Variants in ASH1L observed in about 807,000 individuals in gnomAD.
ASH1L encodes ASH1 like histone lysine methyltransferase, also known as histone-lysine N-methyltransferase ASH1L.
ASH1L carries 23 observed loss-of-function variants against 269.0 expected under a neutral mutation model. The ratio of observed to expected loss-of-function variants is 0.09; its 90% confidence interval spans 0.06 to 0.12. The LOEUF (loss-of-function observed/expected upper bound fraction) is 0.12. Among genes scored for constraint, ASH1L ranks in the 10% least tolerant of loss-of-function variants. The pLI is 1.00. For missense variants in ASH1L, 2,912 were observed against 3,567.8 expected (o/e 0.82, Z 4.68); for synonymous variants, 1,187 against 1,253.5 (o/e 0.95, Z 1.12).
At chr1:155,361,675 G>T (rs929728982) in intron 12 of ASH1L, among the ~76,000 whole-genome samples, 3 of 151,802 alleles carry the variant, frequency 2.0e-5, no homozygotes, top group Non-Finnish European at 4.4e-5. Context: ...CTCTAGCCTA[G>T]CCTGGGCAAC....
intron 1 of ASH1L, among the ~76,000 whole-genome samples, chr1:155,537,945 T>C (rs977698366): frequency 1.3e-5 from 2 of 152,302 alleles, no homozygotes; most frequent in East Asian, 1.9e-4. Context: ...CTTCCAGATG[T>C]TGGAATTCCT....
Position 155,381,111 on chromosome 1 carries a change from A to C in ASH1L, c.6104-995T>G, listed in dbSNP as rs549146203. ...ATGTGTTTGTGGTGATGCTGGTGCAAATAAACCTATAGCGCTACCAGTTGA... is the reference window on the plus strand; with the variant it reads ...ATGTGTTTGTGGTGATGCTGGTGCACATAAACCTATAGCGCTACCAGTTGA... On this transcript the variant is annotated intron_variant, in intron 7 of 27. Transcript: ENST00000392403. 7.9e-5 allele frequency among the ~76,000 whole-genome samples: 12 copies of C among 152,256 alleles called. No individual in the cohort carries two copies. In the East Asian group the frequency reaches 2.3e-3, roughly 29 times the overall value.
At chr1:155,476,284 GGTGAGGCAGGAGAATCGCTTGAACCC>G (rs1263259188) in intron 3 of ASH1L, among the ~76,000 whole-genome samples, 2 of 151,948 alleles carry the variant, frequency 1.3e-5, no homozygotes, top group African/African-American at 4.8e-5. Flanking sequence ...TACTCGGGAG[GGTGAGGCAGGAGAATCGCTTGAACCC>G]GGGAGGCGGA....
intron 4 of ASH1L, among the ~76,000 whole-genome samples, chr1:155,448,622 GTA>G (rs1663214885): frequency 6.6e-6 from 1 of 152,116 alleles, no homozygotes; most frequent in African/African-American, 2.4e-5. Context: ...AGACTCCTAA[GTA>G]GCTGGGATTA....
chr1:155,372,619 T>C (rs1433984988), intron 10 of ASH1L, among the ~76,000 whole-genome samples: 1 of 151,746 alleles, frequency 6.6e-6, no homozygotes, highest in Non-Finnish European at 1.5e-5. Flanking sequence ...TTTTTTTTTT[T>C]TAATTAAAGA....
At chr1:155,492,743 G>GTT (rs58775424) in intron 2 of ASH1L, among the ~76,000 whole-genome samples, 1 of 144,454 alleles carries the variant, frequency 6.9e-6, no homozygotes, top group Non-Finnish European at 1.5e-5. Context: ...AAACAAGTAG[G>GTT]TTTTTTTTTT....
At position 155,344,280 on chromosome 1, in the gene ASH1L, G is replaced by A. The variant is rs1274300367; in HGVS notation, c.7891-7C>T. 1 of 1,610,048 alleles carries A rather than the reference G, an allele frequency of 6.2e-7. No individual in the cohort carries two copies. Among genetic ancestry groups the A allele is most frequent in the East Asian group, 2.2e-5 (1 of 44,846 alleles). On this transcript the variant is annotated splice_polypyrimidine_tract_variant and splice_region_variant and intron_variant, in intron 21 of 27. Coordinates refer to ENST00000392403, the MANE Select transcript of ASH1L (RefSeq NM_018489.3). ...GAGGGATCATGGGAACCTCCTGATA[G>A]GAGCAGAAAGCCAATGTATAAGGGC...
intron 1 of ASH1L, among the ~76,000 whole-genome samples, chr1:155,557,270 A>T (rs6681252): frequency 0.059 from 8,858 of 149,258 alleles, 874 homozygotes; most frequent in African/African-American, 0.21. Context: ...TTATTTATTT[A>T]TTTTTTTTTT....
chr1:155,528,147 A>G (rs1348035160), intron 1 of ASH1L, among the ~76,000 whole-genome samples: 2 of 152,028 alleles, frequency 1.3e-5, no homozygotes. Context: ...ATTGTGTAAT[A>G]GATAGGCACT....
chr1:155,492,223 T>A (rs1232622181), intron 2 of ASH1L, among the ~76,000 whole-genome samples: 1 of 151,520 alleles, frequency 6.6e-6, no homozygotes, highest in Non-Finnish European at 1.5e-5. Flanking sequence ...TAATTCTGTA[T>A]TTTTGGTAGA....
intron 5 of ASH1L, among the ~76,000 whole-genome samples, chr1:155,434,845 C>A (rs190600637): frequency 6.7e-6 from 1 of 148,754 alleles, no homozygotes; most frequent in Non-Finnish European, 1.5e-5. Context: ...AGCGAGACTC[C>A]GTCTCAAAAA....
rs146247889 is a variant in ASH1L, at chr1:155,440,003, T to A, written c.5087-935A>T. Among the ~76,000 whole-genome samples the A allele has an allele frequency of 2.6e-3, 391 of 152,114 alleles. 1 individual carries two copies. The highest frequency in any genetic ancestry group is 4.1e-3 in the Non-Finnish European group (279 of 68,004). ...CAACTCTGGCCTATAGACCCTTGTC[T>A]CAATTTGATATTTAAACATTTTCAG... On this transcript the variant is annotated intron_variant, in intron 4 of 27. Coordinates refer to ENST00000392403, the MANE Select transcript of ASH1L (RefSeq NM_018489.3).
At chr1:155,350,671 C>T (rs974659154) in intron 17 of ASH1L, among the ~76,000 whole-genome samples, 1 of 152,018 alleles carries the variant, frequency 6.6e-6, no homozygotes, top group Non-Finnish European at 1.5e-5. Context: ...ACCTGTAATC[C>T]CAGCACTTTG....
intron 5 of ASH1L, among the ~76,000 whole-genome samples, chr1:155,424,395 T>C (rs183334002): frequency 6.6e-6 from 1 of 152,178 alleles, no homozygotes; most frequent in East Asian, 1.9e-4. Flanking sequence ...ATTACAGTAG[T>C]ACAGTATGTA....
chr1:155,545,698 A>C lies in ASH1L; in HGVS notation c.-100+16455T>G, dbSNP rs534812474. On this transcript the variant is annotated intron_variant, in intron 1 of 27. Coordinates refer to ENST00000392403, the MANE Select transcript of ASH1L (RefSeq NM_018489.3). ...ACAGAATTTGCATTAGTTTTACAATAAAACAAAAATCCATTAAAAACTTAT... is the reference window on the plus strand; with the variant it reads ...ACAGAATTTGCATTAGTTTTACAATCAAACAAAAATCCATTAAAAACTTAT... 2.0e-5 allele frequency among the ~76,000 whole-genome samples: 3 copies of C among 152,168 alleles called. No homozygotes were observed. In the East Asian group the frequency reaches 5.8e-4, roughly 29 times the overall value.
At chr1:155,419,716 T>A (rs1482326506) in intron 5 of ASH1L, among the ~76,000 whole-genome samples, 1 of 152,196 alleles carries the variant, frequency 6.6e-6, no homozygotes, top group Non-Finnish European at 1.5e-5. Flanking sequence ...TGCATAAAGT[T>A]TCCCTATTAT....
intron 3 of ASH1L, among the ~76,000 whole-genome samples, chr1:155,463,854 A>T (rs1256653589): frequency 6.6e-6 from 1 of 152,098 alleles, no homozygotes; most frequent in Admixed American, 6.6e-5. Flanking sequence ...AGGGAGCTAG[A>T]ACTAACCTAT....
intron 21 of ASH1L, chr1:155,346,008 T>G (rs1653276174): frequency 2.4e-6 from 1 of 419,412 alleles, no homozygotes; most frequent in Admixed American, 3.8e-5. Flanking sequence ...ATTTTTTTTG[T>G]ATTTTAGTAG....
chr1:155,519,391 G>A (rs1043467381), intron 2 of ASH1L, among the ~76,000 whole-genome samples: 6 of 151,936 alleles, frequency 3.9e-5, no homozygotes, highest in East Asian at 1.9e-4. Flanking sequence ...AGCCGAGATC[G>A]CGCCATTGCA....
Sources: gnomAD v4.1 joint callset for allele counts (sites outside exome capture counted in the v4.1 genomes callset) on GRCh38, gnomAD v4.1.1 for gene constraint, MANE v1.5 for transcripts, NCBI Gene and HGNC (gene_info 2026-07-23, HGNC 2026-07-21) for gene names.